Variants in SRGAP2B observed in about 807,000 individuals in gnomAD.
The protein encoded by SRGAP2B is SLIT-ROBO Rho GTPase activating protein 2B, also known as SLIT-ROBO Rho GTPase-activating protein 2B.
SRGAP2B carries 9 observed loss-of-function variants against 22.2 expected under a neutral mutation model. The observed-to-expected ratio is 0.41, with a 90% CI of 0.24 to 0.71. The LOEUF (loss-of-function observed/expected upper bound fraction) is 0.71, where lower values mean the gene tolerates loss of function less well. SRGAP2B is among the 30% of genes least tolerant of loss of function. SRGAP2B has a pLI of 0.35. For missense variants in SRGAP2B, 114 were observed against 235.8 expected, an observed-to-expected ratio of 0.48 and a Z score of 3.38; for synonymous variants, 36 against 87.4, an observed-to-expected ratio of 0.41 and a Z score of 3.28.
At chr1:145,076,538 A>C (rs1278426823) in intron 2 of SRGAP2B, among the ~76,000 whole-genome samples, 1 of 149,782 alleles carries the variant, frequency 6.7e-6, no homozygotes, top group Non-Finnish European at 1.5e-5. Flanking sequence ...TGCTGAGTGA[A>C]AAAAAAAGGC....
At chr1:145,005,925 T>C (rs145228460) in intron 2 of SRGAP2B, among the ~76,000 whole-genome samples, 4,552 of 150,008 alleles carry the variant, frequency 0.03, 163 homozygotes, top group Non-Finnish European at 0.045. Context: ...ATGAGAAGTC[T>C]ATCATTATTG....
intron 3 of SRGAP2B, among the ~76,000 whole-genome samples, chr1:144,988,904 T>C (rs1488980528): frequency 1.4e-5 from 2 of 141,810 alleles, no homozygotes; most frequent in African/African-American, 5.5e-5. Context: ...CCTCTGACCA[T>C]TATGGTTCTA....
chr1:145,051,481 T>A (rs1408560159), intron 2 of SRGAP2B, among the ~76,000 whole-genome samples: 1 of 149,212 alleles, frequency 6.7e-6, no homozygotes, highest in South Asian at 2.1e-4. Flanking sequence ...GGCTTCAGAG[T>A]TGGGCAACCA....
At chr1:145,084,839 G>A (rs1227614032) in intron 2 of SRGAP2B, among the ~76,000 whole-genome samples, 1 of 134,406 alleles carries the variant, frequency 7.4e-6, no homozygotes, top group Non-Finnish European at 1.7e-5. Context: ...TAGATCTCCA[G>A]TGGGAGCCCC....
intron 2 of SRGAP2B, among the ~76,000 whole-genome samples, chr1:145,006,254 A>T (rs1433974904): frequency 2.7e-5 from 4 of 150,918 alleles, no homozygotes; most frequent in Non-Finnish European, 4.4e-5. Context: ...AAACTGACGA[A>T]TGAAATATTT....
chr1:145,009,740 A>T (rs2102235474), intron 2 of SRGAP2B, among the ~76,000 whole-genome samples: 4 of 133,830 alleles, frequency 3.0e-5, no homozygotes, highest in Non-Finnish European at 6.2e-5. Flanking sequence ...GGTGTGTAAA[A>T]AAAAGGCTTA....
chr1:145,020,364 C>A (rs1241704464), intron 2 of SRGAP2B, among the ~76,000 whole-genome samples: 8 of 123,060 alleles, frequency 6.5e-5, no homozygotes, highest in Non-Finnish European at 1.3e-4. Flanking sequence ...GAGTTGGAGG[C>A]TGCAATGAGC....
At chr1:144,909,607 CTG>C (rs1390987462) in intron 5 of SRGAP2B, among the ~76,000 whole-genome samples, 2 of 149,692 alleles carry the variant, frequency 1.3e-5, no homozygotes, top group East Asian at 3.9e-4. Context: ...AAAAGGAAGT[CTG>C]AGAACAGTGA....
intron 2 of SRGAP2B, among the ~76,000 whole-genome samples, chr1:145,020,699 G>C (rs1672737938): frequency 6.7e-6 from 1 of 148,736 alleles, no homozygotes; most frequent in Admixed American, 6.6e-5. Flanking sequence ...CTGTTGCACA[G>C]ATGAATGAAT....
At chr1:144,999,148 C>G (rs1670937680) in intron 2 of SRGAP2B, among the ~76,000 whole-genome samples, 1 of 151,054 alleles carries the variant, frequency 6.6e-6, no homozygotes, top group South Asian at 2.1e-4. Flanking sequence ...ACGATACCAA[C>G]TCAAGAAGAC....
intron 2 of SRGAP2B, among the ~76,000 whole-genome samples, chr1:145,058,842 TC>T (rs1358941773): frequency 8.8e-6 from 1 of 114,026 alleles, no homozygotes; most frequent in Non-Finnish European, 1.8e-5. Flanking sequence ...GTCAGGCTGG[TC>T]TCGAACTCCT....
chr1:145,067,244 A>G (rs1651601863), intron 2 of SRGAP2B, among the ~76,000 whole-genome samples: 1 of 147,736 alleles, frequency 6.8e-6, no homozygotes, highest in Non-Finnish European at 1.5e-5. Context: ...AGCTGAGATC[A>G]CGCCATTGCA....
chr1:145,076,197 CT>C (rs1193481441), intron 2 of SRGAP2B, among the ~76,000 whole-genome samples: 85 of 143,828 alleles, frequency 5.9e-4, no homozygotes, highest in Admixed American at 9.0e-4. Flanking sequence ...CTACCTCCAT[CT>C]TTTTTTTTTT....
At chr1:145,036,301 C>G (rs1648713704) in intron 2 of SRGAP2B, among the ~76,000 whole-genome samples, 1 of 143,606 alleles carries the variant, frequency 7.0e-6, no homozygotes, top group African/African-American at 2.7e-5. Flanking sequence ...CAACTAACAC[C>G]TTCCTCCAAT....
chr1:144,993,958 T>G (rs1670458372), intron 3 of SRGAP2B, among the ~76,000 whole-genome samples: 1 of 150,546 alleles, frequency 6.6e-6, no homozygotes, highest in South Asian at 2.1e-4. Flanking sequence ...TCTTAAAATA[T>G]TATGAGGTTT....
intron 4 of SRGAP2B, among the ~76,000 whole-genome samples, chr1:144,941,492 G>GA (rs1323597919): frequency 1.4e-5 from 2 of 147,896 alleles, no homozygotes; most frequent in Non-Finnish European, 3.0e-5. Flanking sequence ...AGAGAACAGA[G>GA]AAAAAGGAAA....
chr1:145,068,899 G>A (rs1420937176), intron 2 of SRGAP2B, among the ~76,000 whole-genome samples: 647 of 10,944 alleles, frequency 0.059, 9 homozygotes, highest in African/African-American at 0.13. Context: ...TAAAATGTGT[G>A]TGTGTGTGTG....
chr1:145,064,624 C>T (rs1651292295), intron 2 of SRGAP2B, among the ~76,000 whole-genome samples: 1 of 148,298 alleles, frequency 6.7e-6, no homozygotes, highest in African/African-American at 2.6e-5. Context: ...TACCATAGGG[C>T]CCAAGATTTA....
At chr1:145,021,479 G>C (rs1453381819) in intron 2 of SRGAP2B, among the ~76,000 whole-genome samples, 1 of 98,278 alleles carries the variant, frequency 1.0e-5, no homozygotes, top group Non-Finnish European at 2.0e-5. Context: ...CTTCCTTATA[G>C]AGCAGCATGG....
Sources: gnomAD v4.1 joint callset for allele counts (sites outside exome capture counted in the v4.1 genomes callset) on GRCh38, gnomAD v4.1.1 for gene constraint, MANE v1.5 for transcripts, NCBI Gene and HGNC (gene_info 2026-07-23, HGNC 2026-07-21) for gene names.